Variants in NBEA observed in about 807,000 individuals in gnomAD.
The protein encoded by NBEA is neurobeachin, also known as lysosomal-trafficking regulator 2.
NBEA carries 44 observed loss-of-function variants against 343.4 expected under a neutral mutation model. The ratio of observed to expected loss-of-function variants is 0.13; its 90% CI spans 0.10 to 0.16. The LOEUF is 0.16. Among genes scored for constraint, NBEA ranks in the 10% least tolerant of loss-of-function variants. NBEA has a pLI of 1.00. For missense variants in NBEA, 2,555 were observed against 3,631.3 expected, an observed-to-expected ratio of 0.70 and a Z score of 7.62; for synonymous variants, 1,175 against 1,238.7, an observed-to-expected ratio of 0.95 and a Z score of 1.08.
intron 49 of NBEA, among the ~76,000 whole-genome samples, chr13:35,632,950 T>C (rs2083522636): frequency 6.9e-6 from 1 of 144,482 alleles, no homozygotes. Flanking sequence ...ATCCACTCTA[T>C]CCTCCCCATC....
intron 49 of NBEA, among the ~76,000 whole-genome samples, chr13:35,644,784 T>C (rs2084138295): frequency 6.6e-6 from 1 of 152,230 alleles, no homozygotes; most frequent in Non-Finnish European, 1.5e-5. Flanking sequence ...TCTTCCCCCT[T>C]TTATAATCAT....
At chr13:35,488,049 C>G (rs960867629) in intron 41 of NBEA, among the ~76,000 whole-genome samples, 2 of 151,868 alleles carry the variant, frequency 1.3e-5, no homozygotes, top group South Asian at 4.1e-4. Flanking sequence ...ATATTATTAC[C>G]GAGGTCCTAA....
intron 1 of NBEA, among the ~76,000 whole-genome samples, chr13:34,948,849 C>T (rs901431242): frequency 3.9e-5 from 6 of 152,128 alleles, no homozygotes; most frequent in Admixed American, 3.3e-4. Flanking sequence ...GAGCAGTTAA[C>T]TTCGGTCCAA....
chr13:35,217,259 T>C (rs1003234109), intron 33 of NBEA, among the ~76,000 whole-genome samples: 31 of 152,088 alleles, frequency 2.0e-4, no homozygotes, highest in Admixed American at 2.0e-3. Flanking sequence ...GTTTTTGTTA[T>C]ATTCAAATAC....
At chr13:35,337,275 A>G (rs2039319951) in intron 36 of NBEA, among the ~76,000 whole-genome samples, 1 of 152,114 alleles carries the variant, frequency 6.6e-6, no homozygotes, top group Non-Finnish European at 1.5e-5. Flanking sequence ...CAGGAAACAG[A>G]TTAATAGACA....
At chr13:35,625,441 ACCCTGT>A (rs2083182513) in intron 48 of NBEA, among the ~76,000 whole-genome samples, 2 of 152,078 alleles carry the variant, frequency 1.3e-5, no homozygotes, top group East Asian at 3.9e-4. Context: ...ACATGGCGAA[ACCCTGT>A]CCCTGCAATA....
intron 41 of NBEA, among the ~76,000 whole-genome samples, chr13:35,520,681 C>T (rs1340327922): frequency 6.6e-6 from 1 of 152,100 alleles, no homozygotes; most frequent in Non-Finnish European, 1.5e-5. Context: ...TTCTCTCTTC[C>T]AGTACTATTA....
chr13:35,310,538 AT>A (rs2037291881), intron 36 of NBEA, among the ~76,000 whole-genome samples: 1 of 152,174 alleles, frequency 6.6e-6, no homozygotes, highest in South Asian at 2.1e-4. Flanking sequence ...AATAAGTAAA[AT>A]TACATTTGAA....
chr13:35,612,382 T>C (rs1243271689), intron 48 of NBEA, among the ~76,000 whole-genome samples: 2 of 152,158 alleles, frequency 1.3e-5, no homozygotes, highest in East Asian at 1.9e-4. Flanking sequence ...TCTGCCCACG[T>C]TGACCTCCCA....
At position 35,164,515 on chromosome 13, in the gene NBEA, T is replaced by C. The variant is rs771014095; in HGVS notation, c.4233+6T>C. 6.2e-7 allele frequency: 1 copy of C among 1,607,986 alleles called. No homozygotes were observed. ...CTGCTGCTACATCACCAACTGTAAG[T>C]ACTTTGCCTCCATCTAGTGGTTATA... is the stretch of plus-strand genomic sequence containing the variant. On this transcript the variant is annotated splice_donor_region_variant and intron_variant, in intron 24 of 58. Coordinates refer to ENST00000379939, the MANE Select transcript of NBEA (RefSeq NM_001385012.1).
intron 1 of NBEA, among the ~76,000 whole-genome samples, chr13:34,973,124 C>T (rs181053892): frequency 1.3e-5 from 2 of 152,208 alleles, no homozygotes; most frequent in Non-Finnish European, 2.9e-5. Flanking sequence ...GAAGGTATCA[C>T]CAGTGAAGGC....
At chr13:35,410,346 A>G (rs911732125) in intron 38 of NBEA, among the ~76,000 whole-genome samples, 2 of 152,198 alleles carry the variant, frequency 1.3e-5, no homozygotes, top group Admixed American at 6.5e-5. Context: ...GGCAGGAAGG[A>G]TGCATTTTTC....
intron 41 of NBEA, among the ~76,000 whole-genome samples, chr13:35,503,641 T>C (rs1045837316): frequency 6.6e-6 from 1 of 152,102 alleles, no homozygotes; most frequent in African/African-American, 2.4e-5. Flanking sequence ...GCATTGCTGG[T>C]ATTGAGAATT....
chr13:35,057,829 ATTCT>A (rs1464165835), intron 7 of NBEA, among the ~76,000 whole-genome samples: 1 of 152,172 alleles, frequency 6.6e-6, no homozygotes, highest in African/African-American at 2.4e-5. Context: ...ACATATATAC[ATTCT>A]TTATGCAGTT....
intron 33 of NBEA, among the ~76,000 whole-genome samples, chr13:35,214,512 T>C (rs1202757823): frequency 6.6e-6 from 1 of 151,828 alleles, no homozygotes; most frequent in Non-Finnish European, 1.5e-5. Context: ...CTTTTTTGCA[T>C]ATGCTTATGG....
chr13:35,482,227 C>T (rs187007856), intron 41 of NBEA, among the ~76,000 whole-genome samples: 286 of 150,540 alleles, frequency 1.9e-3, no homozygotes, highest in African/African-American at 6.5e-3. Context: ...AAATAGAAAA[C>T]GATTACCTTT....
At chr13:35,411,034 C>A (rs1343364043) in intron 38 of NBEA, among the ~76,000 whole-genome samples, 1 of 152,166 alleles carries the variant, frequency 6.6e-6, no homozygotes, top group Admixed American at 6.6e-5. Flanking sequence ...AAAACTGTTA[C>A]CATGACCTTT....
At chr13:35,373,537 T>C (rs1277961700) in intron 38 of NBEA, among the ~76,000 whole-genome samples, 1 of 144,208 alleles carries the variant, frequency 6.9e-6, no homozygotes, top group Non-Finnish European at 1.5e-5. Flanking sequence ...AAACCCCATC[T>C]CTATAAAAAA....
At chr13:35,386,049 T>TA (rs1266907166) in intron 38 of NBEA, among the ~76,000 whole-genome samples, 4 of 152,110 alleles carry the variant, frequency 2.6e-5, no homozygotes, top group African/African-American at 9.7e-5. Context: ...GAATATATAA[T>TA]AGAAAACCTA....
Sources: allele counts gnomAD v4.1 joint callset (sites outside exome capture counted in the v4.1 genomes callset), GRCh38; gene constraint gnomAD v4.1.1; transcripts MANE v1.5; gene names NCBI Gene and HGNC (gene_info 2026-07-23, HGNC 2026-07-21).